The following MRC2 variants were observed in gnomAD, a reference collection of about 807,000 sequenced individuals.
MRC2 encodes mannose receptor C-type 2, also known as C-type mannose receptor 2.
MRC2 carries 84 observed loss-of-function variants against 206.2 expected under a neutral mutation model. The ratio of observed to expected loss-of-function variants is 0.41; its 90% confidence interval spans 0.34 to 0.49. MRC2 has a LOEUF of 0.49. Ranked by LOEUF, MRC2 falls within the 20% of genes least tolerant of loss-of-function variation. The probability of loss-of-function intolerance (pLI) is 0.31; values close to 1 mark genes in which losing one functional copy is unlikely to be tolerated. For missense variants in MRC2, 1,676 were observed against 2,001.5 expected (o/e 0.84, Z 3.10); for synonymous variants, 798 against 800.0 (o/e 1.00, Z 0.04).
In MRC2 at chr17:62,627,932, C is replaced by T; in HGVS notation, c.118+12C>T. 7.1e-7 allele frequency: 1 copy of T among 1,412,292 alleles called. No homozygotes were observed. The highest frequency in any genetic ancestry group is 9.2e-7 in the Non-Finnish European group (1 of 1,090,702). The allele number at this position is 1,412,292 out of a possible 1,614,324, so 87.5% of individuals were successfully genotyped here. The stretch of plus-strand genomic sequence containing the variant: ...CGCCGCCCTCCCGGGTAAGGCGCTG[C>T]CAACTTGGCCAACTTCAGGGCCCGG... On this transcript the variant is annotated intron_variant, in intron 1 of 29. Coordinates refer to ENST00000303375, the MANE Select transcript of MRC2 (RefSeq NM_006039.5).
rs1459718396 is a variant in MRC2 at position 62,667,719 on chromosome 17, T to C, written c.1117+186T>C. On this transcript the variant is annotated intron_variant, in intron 6 of 29. Coordinates refer to ENST00000303375, the MANE Select transcript of MRC2 (RefSeq NM_006039.5). The surrounding 1 kb of genome is among the most constrained non-coding windows in gnomAD (Gnocchi z 4.1). ...AAATTGGAATATGTCATTAATTCAT[T>C]TGGGGAACATGTGCTGAGATCTGTG... 2.6e-5 allele frequency among the ~76,000 whole-genome samples: 4 copies of C among 152,224 alleles called. No individual in the cohort carries two copies. The highest frequency in any genetic ancestry group is 4.8e-5 in the African/African-American group (2 of 41,440).
chr17:62,650,959 C>G (rs1252521098), intron 1 of MRC2, among the ~76,000 whole-genome samples: 1 of 152,154 alleles, frequency 6.6e-6, no homozygotes, highest in Non-Finnish European at 1.5e-5. Context: ...AGGCCATGGT[C>G]CAGGTTCCTT....
Position 62,688,517 on chromosome 17 carries a change from C to G in MRC2, c.3078C>G (p.Ser1026Arg), listed in dbSNP as rs141422219. 1,240 of 1,614,238 alleles carry G rather than the reference C, an allele frequency of 7.7e-4. 6 individuals are homozygous for G. Among genetic ancestry groups the G allele is most frequent in the South Asian group, 6.6e-3 (600 of 91,084 alleles). ...NPLEQAFITA[S>R]LPNVTFDLWI... ...GGACCATAGCATTCATCACAGCCAG[C>G]CTGCCCAATGTGACCTTTGACCTTT... The change falls in exon 22 of 30, where the codon AGC (serine) becomes AGG (arginine). Residue 1026 changes from serine (S) to arginine (R), a missense_variant. Coordinates refer to ENST00000303375, the MANE Select transcript of MRC2 (RefSeq NM_006039.5).
chr17:62,631,997 G>A lies in MRC2; in HGVS notation c.118+4077G>A, dbSNP rs138056756. Among the ~76,000 whole-genome samples, 332 of 152,250 alleles carry A rather than the reference G, an allele frequency of 2.2e-3. 2 individuals are homozygous for A. The highest frequency in any genetic ancestry group is 2.5e-3 in the Non-Finnish European group (170 of 68,016). The stretch of plus-strand genomic sequence containing the variant: ...GGCCTGAGCACTGCTGATAGGAAGC[G>A]TGTCTTCCTGTTCAGGCCTACGTGA... On this transcript the variant is annotated intron_variant, in intron 1 of 29. Coordinates refer to ENST00000303375, the MANE Select transcript of MRC2 (RefSeq NM_006039.5).
At chr17:62,690,085 G>C in intron 25 of MRC2, 23 bp downstream of exon 25, 2 of 1,584,004 alleles carry the variant, frequency 1.3e-6, no homozygotes, top group Non-Finnish European at 8.6e-7. Context: ...CTGCCAGGGC[G>C]GGGGCATGGG....
In MRC2 at chr17:62,666,459, C is replaced by T. The variant is rs367605863; in HGVS notation, c.699C>T (p.Asn233=). The T allele has an allele frequency of 4.3e-6, 7 of 1,613,906 alleles. No individual in the cohort carries two copies. Among genetic ancestry groups the T allele is most frequent in the South Asian group, 1.1e-5 (1 of 91,064 alleles). Residue 233 remains asparagine (N), a synonymous_variant, in exon 4 of 30, where the codon AAC becomes AAT. Transcript: ENST00000303375. The surrounding 1 kb of genome is among the most constrained non-coding windows in gnomAD (Gnocchi z 5.0). ...ERWGFCPIKS[N]DCETFWDKDQ... ...AGAGGGCTGTCGTGGTGGCAGGTAACGACTGCGAGACCTTCTGGGACAAGG... is the reference window on the plus strand; with the variant it reads ...AGAGGGCTGTCGTGGTGGCAGGTAATGACTGCGAGACCTTCTGGGACAAGG...
intron 1 of MRC2, among the ~76,000 whole-genome samples, chr17:62,633,882 A>T (rs1179072585): frequency 7.9e-6 from 1 of 126,670 alleles, no homozygotes; most frequent in Admixed American, 8.1e-5. Flanking sequence ...AAAAAAAAAA[A>T]TCCTAACTAC....
chr17:62,681,681 C>T (rs2088968046), intron 18 of MRC2, 156 bp from the exon 19 acceptor site: 1 of 631,374 alleles, frequency 1.6e-6, no homozygotes, highest in African/African-American at 1.9e-5. Context: ...TCTTTGACTG[C>T]CCTGAGCTCA....
intron 20 of MRC2, among the ~76,000 whole-genome samples, chr17:62,684,224 T>TA (rs2089005923): frequency 6.6e-6 from 1 of 152,170 alleles, no homozygotes; most frequent in South Asian, 2.1e-4. Flanking sequence ...CAAAGACAAA[T>TA]AGATTGAAGT....
intron 20 of MRC2, among the ~76,000 whole-genome samples, chr17:62,685,485 AATC>A (rs2089021543): frequency 6.6e-6 from 1 of 152,182 alleles, no homozygotes; most frequent in African/African-American, 2.4e-5. Context: ...TCCCATTCTT[AATC>A]ATCATTGTCA....
Position 62,671,550 on chromosome 17 carries a change from G to A in MRC2, c.1118-99G>A, listed in dbSNP as rs964457661. 342 of 1,103,890 alleles carry A rather than the reference G, an allele frequency of 3.1e-4. No individual in the cohort carries two copies. The highest frequency in any genetic ancestry group is 2.0e-4 in the Non-Finnish European group (155 of 782,082). 68.4% of individuals were successfully genotyped at this position (1,103,890 alleles called of 1,614,324 possible). A position where few individuals can be genotyped will look rare whatever the true frequency, so the allele number is the denominator to read the frequency against. On this transcript the variant is annotated intron_variant, in intron 6 of 29. Transcript: ENST00000303375. The surrounding 1 kb of genome is among the most constrained non-coding windows in gnomAD (Gnocchi z 4.5). Reference sequence around the variant, plus strand: ...TGATCTGGGAGAGTTTGGAGAGGAGGTGACTGGGAGGCCTCGCCTGTGTTG... The same window carrying A: ...TGATCTGGGAGAGTTTGGAGAGGAGATGACTGGGAGGCCTCGCCTGTGTTG...
At chr17:62,639,745 C>T (rs2088375393) in intron 1 of MRC2, among the ~76,000 whole-genome samples, 1 of 152,196 alleles carries the variant, frequency 6.6e-6, no homozygotes, top group African/African-American at 2.4e-5. Context: ...CCGCCTAAGC[C>T]TCCTGAGTTG....
At chr17:62,644,610 G>C (rs752438321) in intron 1 of MRC2, among the ~76,000 whole-genome samples, 3 of 152,154 alleles carry the variant, frequency 2.0e-5, no homozygotes, top group South Asian at 2.1e-4. Context: ...TTTTGCTTGT[G>C]ATCAGTCAGT....
intron 1 of MRC2, among the ~76,000 whole-genome samples, chr17:62,662,558 C>T (rs538609837): frequency 9.2e-5 from 14 of 152,254 alleles, no homozygotes; most frequent in East Asian, 5.8e-4. Flanking sequence ...GATGAGGAAA[C>T]GGCATAGAGA....
In MRC2 at chr17:62,672,874, C is replaced by A. The variant is rs545661440; in HGVS notation, c.1461+722C>A. Among the ~76,000 whole-genome samples the A allele has an allele frequency of 1.2e-4, 19 of 152,156 alleles. No individual in the cohort carries two copies. In the South Asian group the frequency reaches 3.7e-3, roughly 30 times the overall value. Reference sequence around the variant, plus strand: ...AGGCGTGGTGGCAGATGCCTGTAATCCCAGCTACTCCAGAGGCTGAGGCAA... The same window carrying A: ...AGGCGTGGTGGCAGATGCCTGTAATACCAGCTACTCCAGAGGCTGAGGCAA... On this transcript the variant is annotated intron_variant, in intron 8 of 29. Transcript: ENST00000303375. This position sits in a 1 kb window ranked among gnomAD's most constrained non-coding sequence, Gnocchi z 4.5.
At position 62,667,547 on chromosome 17, in the gene MRC2, T is replaced by A; in HGVS notation, c.1117+14T>A. 6.2e-7 allele frequency: 1 copy of A among 1,600,764 alleles called. No homozygotes were observed. Among genetic ancestry groups the A allele is most frequent in the Non-Finnish European group, 8.5e-7 (1 of 1,176,590 alleles). ...CCACCCCTCCAGGTGAGCCAGGGAC[T>A]GTGCCGCAGGGTGGGGAGGGGCTCC... On this transcript the variant is annotated intron_variant, in intron 6 of 29. Coordinates refer to ENST00000303375, the MANE Select transcript of MRC2 (RefSeq NM_006039.5). This position sits in a 1 kb window ranked among gnomAD's most constrained non-coding sequence, Gnocchi z 4.1.
rs1460695022 is a variant in MRC2, at chr17:62,627,910, C to A, written c.108C>A (p.Ala36=). ...GCCGTCCCGGCGCCCCTGGGGACGC[C>A]GCCCTCCCGGGTAAGGCGCTGCCAA... ...HLGRPGAPGD[A]ALPEPNVFLI... Residue 36 remains alanine (A), a synonymous_variant, in exon 1 of 30, where the codon GCC becomes GCA. Transcript: ENST00000303375. The A allele has an allele frequency of 3.4e-6, 5 of 1,460,818 alleles. No individual in the cohort carries two copies. Among genetic ancestry groups the A allele is most frequent in the Non-Finnish European group, 4.5e-6 (5 of 1,113,498 alleles). The allele number at this position is 1,460,818 out of a possible 1,614,324, so 90.5% of individuals were successfully genotyped here. A position where few individuals can be genotyped will look rare whatever the true frequency, so the allele number is the denominator to read the frequency against.
chr17:62,676,314 G>C, intron 10 of MRC2, 69 bp from the exon 11 acceptor site: 5 of 1,585,178 alleles, frequency 3.2e-6, no homozygotes, highest in Non-Finnish European at 4.3e-6. Flanking sequence ...CCACGGTAGG[G>C]CGTCTGGCCT....
chr17:62,655,099 T>C (rs1348291396), intron 1 of MRC2, among the ~76,000 whole-genome samples: 6 of 148,816 alleles, frequency 4.0e-5, no homozygotes, highest in Non-Finnish European at 8.9e-5. Flanking sequence ...TCCTGGCTAA[T>C]GCGGTGAAAC....
Sources: gnomAD v4.1 joint callset for allele counts (sites outside exome capture counted in the v4.1 genomes callset) on GRCh38, gnomAD v4.1.1 for gene constraint, Gnocchi (gnomAD v3.1) non-coding constraint, MANE v1.5 for transcripts, NCBI Gene and HGNC (gene_info 2026-07-23, HGNC 2026-07-21) for gene names.